Variants in BCL2L14 observed in about 807,000 individuals in gnomAD.
BCL2L14 encodes the protein BCL2 like 14, also known as apoptosis facilitator Bcl-2-like protein 14.
A neutral mutation model predicts 35.3 loss-of-function variants in BCL2L14; 27 were observed. That is an observed-to-expected ratio of 0.76 (90% confidence interval 0.56 to 1.05). The LOEUF is 1.05. Among genes scored for constraint, BCL2L14 ranks in the 50% least tolerant of loss-of-function variants. The probability of loss-of-function intolerance (pLI) is 0.00; values close to 1 mark genes in which losing one functional copy is unlikely to be tolerated. For synonymous variants in BCL2L14, 139 were observed against 145.9 expected (o/e 0.95, Z 0.34); for missense variants, 377 against 382.6 (o/e 0.99, Z 0.12).
At chr12:12,077,236 G>C (rs1031157200) in intron 1 of BCL2L14, among the ~76,000 whole-genome samples, 3 of 152,120 alleles carry the variant, frequency 2.0e-5, no homozygotes, top group Non-Finnish European at 4.4e-5. Flanking sequence ...ACATTATTAA[G>C]AGCCATATTA....
At chr12:12,083,697 C>T (rs1361289390) in intron 2 of BCL2L14, among the ~76,000 whole-genome samples, 1 of 152,150 alleles carries the variant, frequency 6.6e-6, no homozygotes, top group Admixed American at 6.5e-5. Context: ...ATAATCCCAG[C>T]CCTTTGGGAG....
intron 3 of BCL2L14, 26 bp downstream of exon 3, chr12:12,087,412 T>C (rs1361585737): frequency 6.2e-7 from 1 of 1,610,126 alleles, no homozygotes; most frequent in African/African-American, 1.3e-5. Flanking sequence ...CTGGGTGGAG[T>C]GTTTGCCAGG....
At chr12:12,062,083 A>G (rs1289726485) in intron 2 of BCL2L14, among the ~76,000 whole-genome samples, 1 of 151,830 alleles carries the variant, frequency 6.6e-6, no homozygotes, top group Non-Finnish European at 1.5e-5. Context: ...ATCACAAACT[A>G]TGCTCAACTT....
intron 2 of BCL2L14, among the ~76,000 whole-genome samples, chr12:12,058,827 A>G (rs1230133274): frequency 1.3e-5 from 2 of 152,184 alleles, no homozygotes; most frequent in Admixed American, 1.3e-4. Context: ...TTGGGAGATC[A>G]ATCCCCTGTC....
At chr12:12,061,148 CTG>C (rs1347108830) in intron 2 of BCL2L14, among the ~76,000 whole-genome samples, 2 of 129,888 alleles carry the variant, frequency 1.5e-5, no homozygotes, top group Non-Finnish European at 3.2e-5. Flanking sequence ...CCTTATTAGA[CTG>C]AGACACTTTA....
At chr12:12,067,354 C>T (rs1452581370), upstream of BCL2L14, among the ~76,000 whole-genome samples, 1 of 152,102 alleles carries the variant, frequency 6.6e-6, no homozygotes, top group African/African-American at 2.4e-5. Context: ...AGTTGGAGAC[C>T]AGTCTGGCCA....
At chr12:12,073,605 C>A (rs1036671426) in intron 1 of BCL2L14, among the ~76,000 whole-genome samples, 1 of 151,532 alleles carries the variant, frequency 6.6e-6, no homozygotes, top group African/African-American at 2.4e-5. Context: ...TGCACGCGCA[C>A]ACACACACAC....
upstream of BCL2L14, among the ~76,000 whole-genome samples, chr12:12,066,094 A>G (rs1948591145): frequency 6.6e-6 from 1 of 152,116 alleles, no homozygotes; most frequent in African/African-American, 2.4e-5. Context: ...CCTGGCCGAG[A>G]GTTTTTCTTG....
intron 5 of BCL2L14, among the ~76,000 whole-genome samples, chr12:12,097,801 T>A (rs1171775712): frequency 1.3e-5 from 2 of 151,868 alleles, no homozygotes; most frequent in East Asian, 3.9e-4. Flanking sequence ...AAAAAAACAG[T>A]TCCAATTAGA....
At chr12:12,069,034 T>C (rs1359935050), upstream of BCL2L14, among the ~76,000 whole-genome samples, 1 of 152,204 alleles carries the variant, frequency 6.6e-6, no homozygotes, top group Non-Finnish European at 1.5e-5. Flanking sequence ...TAAACTGACA[T>C]GGGGCTGGTA....
intron 2 of BCL2L14, among the ~76,000 whole-genome samples, chr12:12,085,583 C>T (rs1320108747): frequency 6.6e-6 from 1 of 152,164 alleles, no homozygotes; most frequent in Non-Finnish European, 1.5e-5. Context: ...TTTTTGAACC[C>T]TGTGGACTAA....
chr12:12,087,675 C>T (rs1006264636), intron 3 of BCL2L14, among the ~76,000 whole-genome samples: 7 of 152,210 alleles, frequency 4.6e-5, no homozygotes, highest in African/African-American at 9.6e-5. Flanking sequence ...TTGTCTGTGG[C>T]GGAAAATGCA....
chr12:12,083,281 A>G (rs1948968795), intron 2 of BCL2L14, among the ~76,000 whole-genome samples: 1 of 151,938 alleles, frequency 6.6e-6, no homozygotes, highest in Admixed American at 6.6e-5. Context: ...GGTTATTTTA[A>G]CTGTAAGTCA....
rs1948857724 is a variant in BCL2L14, at chr12:12,079,347, A to AGAT, written c.51_53dup (p.Asp18dup). ...GGTGTGACCTGGAAGAAATCCCCCT[A>AGAT]GATGATGATGACCTAAACACCATAG... is the stretch of plus-strand genomic sequence containing the variant. On this transcript the variant is annotated inframe_insertion, in exon 2 of 6. Coordinates refer to ENST00000308721, the MANE Select transcript of BCL2L14 (RefSeq NM_138723.2). 6.2e-7 allele frequency: 1 copy of AGAT among 1,614,166 alleles called. No individual in the cohort carries two copies. The highest frequency in any genetic ancestry group is 1.1e-5 in the South Asian group (1 of 91,072).
At position 12,079,279 on chromosome 12, in the gene BCL2L14, T is replaced by C. The variant is rs747924373; in HGVS notation, c.-7-20T>C. ...AGTGGCCCTGCATAGAAGGGCACAG[T>C]GTGGACTTTGTTGTTACAGGCCCAA... is the stretch of plus-strand genomic sequence containing the variant. On this transcript the variant is annotated intron_variant, in intron 1 of 5. Coordinates refer to ENST00000308721, the MANE Select transcript of BCL2L14 (RefSeq NM_138723.2). 1 of 1,601,982 alleles carries C rather than the reference T, an allele frequency of 6.2e-7. No individual in the cohort carries two copies. Among genetic ancestry groups the C allele is most frequent in the Admixed American group, 1.7e-5 (1 of 59,218 alleles).
At chr12:12,086,434 C>T (rs558708107) in intron 2 of BCL2L14, among the ~76,000 whole-genome samples, 2 of 152,376 alleles carry the variant, frequency 1.3e-5, no homozygotes, top group South Asian at 4.1e-4. Flanking sequence ...CTCTTCCCCA[C>T]TCAGGGGCAA....
At chr12:12,091,329 G>A (rs1383310935) in intron 4 of BCL2L14, among the ~76,000 whole-genome samples, 1 of 152,194 alleles carries the variant, frequency 6.6e-6, no homozygotes, top group Non-Finnish European at 1.5e-5. Flanking sequence ...CCAGGGAGGT[G>A]CGCTAGTGTT....
chr12:12,073,686 G>A (rs1434064974), intron 1 of BCL2L14, among the ~76,000 whole-genome samples: 1 of 152,158 alleles, frequency 6.6e-6, no homozygotes, highest in African/African-American at 2.4e-5. Context: ...TTCTTCAGCA[G>A]CACAGTGTTA....
chr12:12,065,667 G>A (rs951666758), intron 2 of BCL2L14, among the ~76,000 whole-genome samples: 3 of 152,180 alleles, frequency 2.0e-5, no homozygotes, highest in Admixed American at 6.5e-5. Flanking sequence ...AGTGAGGTTG[G>A]TTATGTAGGT....
Sources: allele counts gnomAD v4.1 joint callset (sites outside exome capture counted in the v4.1 genomes callset), GRCh38; gene constraint gnomAD v4.1.1; transcripts MANE v1.5; gene names NCBI Gene and HGNC (gene_info 2026-07-23, HGNC 2026-07-21).